IMMP2L: variants seen among roughly 807,000 people sequenced by gnomAD.
IMMP2L encodes mitochondrial inner membrane protease subunit 2.
A neutral mutation model predicts 19.3 loss-of-function variants in IMMP2L; 18 were observed. The ratio of observed to expected loss-of-function variants is 0.93; its 90% CI spans 0.64 to 1.38. The LOEUF is 1.38. Ranked by LOEUF, IMMP2L falls within the 40% of genes most tolerant of loss-of-function variation. The pLI is 0.00. For missense variants in IMMP2L, 233 were observed against 218.2 expected, an observed-to-expected ratio of 1.07 and a Z score of -0.43; for synonymous variants, 76 against 73.0, an observed-to-expected ratio of 1.04 and a Z score of -0.21.
At chr7:110,963,310 T>C (rs931047594) in intron 4 of IMMP2L, among the ~76,000 whole-genome samples, 190 bp downstream of exon 4, 25 of 152,010 alleles carry the variant, frequency 1.6e-4, no homozygotes, top group African/African-American at 6.0e-4. Flanking sequence ...AATAACAATA[T>C]GATCAGTAAG....
rs775859353 is a variant in IMMP2L at position 111,123,932 on chromosome 7, G to A, written c.240-160367C>T. 2.5e-6 allele frequency: 4 copies of A among 1,613,918 alleles called. No homozygotes were observed. Among genetic ancestry groups the A allele is most frequent in the East Asian group, 2.2e-5 (1 of 44,834 alleles). Reference sequence around the variant, plus strand: ...ATGAACATGAACAAAACCAACATTCGATTCATGGAGCCAGATTCACTGTTT... The same window carrying A: ...ATGAACATGAACAAAACCAACATTCAATTCATGGAGCCAGATTCACTGTTT... On this transcript the variant is annotated intron_variant, in intron 3 of 5. Coordinates refer to ENST00000405709, the MANE Select transcript of IMMP2L (RefSeq NM_032549.4). The surrounding 1 kb of genome is among the most constrained non-coding windows in gnomAD (Gnocchi z 6.4).
intron 3 of IMMP2L, among the ~76,000 whole-genome samples, chr7:111,446,735 C>T (rs989425324): frequency 5.3e-5 from 8 of 152,184 alleles, no homozygotes; most frequent in South Asian, 4.1e-4. Flanking sequence ...AAGAGAGGAA[C>T]GCTTCAGACG....
chr7:111,215,584 T>C (rs1367294473), intron 3 of IMMP2L, among the ~76,000 whole-genome samples: 2 of 152,156 alleles, frequency 1.3e-5, no homozygotes, highest in East Asian at 3.8e-4. Flanking sequence ...CTGAATTTTG[T>C]CTTATTTCTT....
chr7:110,886,992 T>C (rs940403445), intron 4 of IMMP2L, among the ~76,000 whole-genome samples: 1 of 152,140 alleles, frequency 6.6e-6, no homozygotes, highest in African/African-American at 2.4e-5. Flanking sequence ...TATGTATTTA[T>C]GAAATCCGGT....
chr7:111,527,878 C>T (rs543046923), intron 1 of IMMP2L, among the ~76,000 whole-genome samples: 2 of 152,170 alleles, frequency 1.3e-5, no homozygotes, highest in East Asian at 3.9e-4. Flanking sequence ...GATCCTGCTC[C>T]AAGCCAAGGA....
At chr7:111,184,582 A>G (rs1255097395) in intron 3 of IMMP2L, among the ~76,000 whole-genome samples, 3 of 152,104 alleles carry the variant, frequency 2.0e-5, no homozygotes, top group Non-Finnish European at 4.4e-5. Flanking sequence ...TGTAGCAACC[A>G]GTACTACAAA....
chr7:111,292,593 A>C (rs564428572), intron 3 of IMMP2L, among the ~76,000 whole-genome samples: 103 of 152,058 alleles, frequency 6.8e-4, no homozygotes, highest in Non-Finnish European at 1.4e-3. Flanking sequence ...ATGTGTCACT[A>C]ATGAAAAGGA....
In IMMP2L at chr7:110,672,526, A is replaced by G. The variant is rs143400886; in HGVS notation, c.409-8805T>C. 4.6e-3 allele frequency among the ~76,000 whole-genome samples: 707 copies of G among 152,224 alleles called. 4 individuals are homozygous for G. Among genetic ancestry groups the G allele is most frequent in the African/African-American group, 0.016 (678 of 41,520 alleles). ...CTTAACTCATTCCACCATTAACCCA[A>G]AAGTCTAAGTCCAAAGTCTCATCTG... On this transcript the variant is annotated intron_variant, in intron 5 of 5. Transcript: ENST00000405709.
intron 3 of IMMP2L, among the ~76,000 whole-genome samples, chr7:111,083,556 A>T (rs1796061571): frequency 6.6e-6 from 1 of 152,202 alleles, no homozygotes; most frequent in South Asian, 2.1e-4. Flanking sequence ...TGAAGAGAAG[A>T]AAATACAGTT....
In IMMP2L at chr7:111,341,409, C is replaced by A. The variant is rs138722521; in HGVS notation, c.239+145829G>T. Among the ~76,000 whole-genome samples the A allele has an allele frequency of 1.2e-3, 183 of 152,120 alleles. 3 individuals are homozygous for A. Among genetic ancestry groups the A allele is most frequent in the Non-Finnish European group, 2.2e-3 (152 of 67,994 alleles). On this transcript the variant is annotated intron_variant, in intron 3 of 5. Transcript: ENST00000405709. The stretch of plus-strand genomic sequence containing the variant: ...ATATATGAATAAATGATGTAAACTG[C>A]AATCAATGTTTAAAAAAACATAGTT...
chr7:111,212,168 CTCTA>C (rs1811394860), intron 3 of IMMP2L, among the ~76,000 whole-genome samples: 3 of 152,056 alleles, frequency 2.0e-5, no homozygotes, highest in African/African-American at 4.8e-5. Flanking sequence ...CTGTCTCTAT[CTCTA>C]TCTCTCTCTC....
chr7:111,241,485 C>T (rs1285668125), intron 3 of IMMP2L, among the ~76,000 whole-genome samples: 1 of 151,812 alleles, frequency 6.6e-6, no homozygotes, highest in Non-Finnish European at 1.5e-5. Context: ...AAAACAAGAC[C>T]AAATAAAATG....
At chr7:111,545,464 C>A (rs946446279) in intron 1 of IMMP2L, among the ~76,000 whole-genome samples, 1 of 152,138 alleles carries the variant, frequency 6.6e-6, no homozygotes, top group Non-Finnish European at 1.5e-5. Context: ...AATCTCAGCT[C>A]ACCGCAACCT....
rs138351555 is a variant in IMMP2L, at chr7:110,842,174, G to T, written c.408+44419C>A. On this transcript the variant is annotated intron_variant, in intron 5 of 5. Coordinates refer to ENST00000405709, the MANE Select transcript of IMMP2L (RefSeq NM_032549.4). Reference sequence around the variant, plus strand: ...TCCAAAAATTTCCTAACTATTTGGGGATTTTTTTTCCTCTCCACTTTTGAA... The same window carrying T: ...TCCAAAAATTTCCTAACTATTTGGGTATTTTTTTTCCTCTCCACTTTTGAA... Among the ~76,000 whole-genome samples, 21 of 152,242 alleles carry T rather than the reference G, an allele frequency of 1.4e-4. No homozygotes were observed. The East Asian group carries it at 3.9e-3, about 28-fold the overall frequency.
intron 3 of IMMP2L, among the ~76,000 whole-genome samples, chr7:111,214,331 C>CTTTTTTTTTTTTTTTTTTTTTTTTTTTT (rs1169450523): frequency 2.4e-5 from 2 of 82,194 alleles, no homozygotes; most frequent in Non-Finnish European, 4.5e-5. Flanking sequence ...AATTTTTCTT[C>CTTTTTTTTTTTTTTTTTTTTTTTTTTTT]TTTTTTTTTT....
At chr7:111,122,763 G>A (rs7458409) in intron 3 of IMMP2L, 1 of 1,603,312 alleles carries the variant, frequency 6.2e-7, no homozygotes, top group South Asian at 1.1e-5. Flanking sequence ...TTCTGAAGAA[G>A]AAAGCTAAGA....
At chr7:111,015,057 A>G (rs1420327581) in intron 3 of IMMP2L, among the ~76,000 whole-genome samples, 1 of 152,190 alleles carries the variant, frequency 6.6e-6, no homozygotes, top group Non-Finnish European at 1.5e-5. Flanking sequence ...CTCTGGGTAT[A>G]TACACAAAGG....
At chr7:110,736,086 C>G (rs1298357737) in intron 5 of IMMP2L, among the ~76,000 whole-genome samples, 1 of 152,104 alleles carries the variant, frequency 6.6e-6, no homozygotes, top group African/African-American at 2.4e-5. Flanking sequence ...TCAGCTGCAC[C>G]AGCTGTGGCT....
chr7:111,192,458 G>T (rs986967867), intron 3 of IMMP2L, among the ~76,000 whole-genome samples: 1 of 152,038 alleles, frequency 6.6e-6, no homozygotes, highest in Admixed American at 6.6e-5. Flanking sequence ...AATCCAAACG[G>T]CCAGCAATCA....
Sources: allele counts gnomAD v4.1 joint callset (sites outside exome capture counted in the v4.1 genomes callset), GRCh38; gene constraint gnomAD v4.1.1; non-coding constraint Gnocchi (gnomAD v3.1); transcripts MANE v1.5; gene names NCBI Gene and HGNC (gene_info 2026-07-23, HGNC 2026-07-21).